Variants in OR1J2 observed in about 807,000 individuals in gnomAD.
OR1J2 encodes the protein olfactory receptor 1J2.
For synonymous variants in OR1J2, 142 were observed against 99.7 expected, an observed-to-expected ratio of 1.42 and a Z score of -2.52; for missense variants, 304 against 246.1, an observed-to-expected ratio of 1.24 and a Z score of -1.57.
the OR1J2 span, among the ~76,000 whole-genome samples, chr9:122,497,654 C>T: frequency 5.9e-5 from 9 of 152,074 alleles, no homozygotes; most frequent in African/African-American, 2.2e-4. Flanking sequence ...ATTTTTGGGT[C>T]TCAGTTTCAT....
chr9:122,491,119 T>C, the OR1J2 span, among the ~76,000 whole-genome samples: 1 of 152,190 alleles, frequency 6.6e-6, no homozygotes, highest in Non-Finnish European at 1.5e-5. Context: ...TGTGAGTTGA[T>C]TTTGATAAGA....
chr9:122,566,359 T>G, the OR1J2 span, among the ~76,000 whole-genome samples: 1 of 152,056 alleles, frequency 6.6e-6, no homozygotes, highest in African/African-American at 2.4e-5. Context: ...TGTATAAAGA[T>G]GAGGAAATAT....
the OR1J2 span, among the ~76,000 whole-genome samples, chr9:122,521,622 G>A: frequency 2.6e-4 from 39 of 152,136 alleles, no homozygotes; most frequent in African/African-American, 9.2e-4. Context: ...CTTTTCCAGA[G>A]CCAAAACCTG....
the OR1J2 span, among the ~76,000 whole-genome samples, chr9:122,463,491 T>C: frequency 6.6e-6 from 1 of 152,324 alleles, no homozygotes; most frequent in Non-Finnish European, 1.5e-5. Flanking sequence ...TTGGGGGTGT[T>C]AAAGAACCTT....
the OR1J2 span, among the ~76,000 whole-genome samples, chr9:122,528,120 C>A: frequency 6.6e-6 from 1 of 152,230 alleles, no homozygotes; most frequent in Non-Finnish European, 1.5e-5. Context: ...TATATTTAAT[C>A]CCTCAGTATT....
chr9:122,567,975 G>T, the OR1J2 span: 1 of 1,614,200 alleles, frequency 6.2e-7, no homozygotes, highest in Non-Finnish European at 8.5e-7. Flanking sequence ...GTCACAGAAG[G>T]TGAGACGATT....
the OR1J2 span, among the ~76,000 whole-genome samples, chr9:122,478,861 C>A: frequency 1.3e-5 from 2 of 150,364 alleles, no homozygotes; most frequent in Non-Finnish European, 3.0e-5. Flanking sequence ...CACACTGTAA[C>A]CTCCGCCTCC....
At chr9:122,465,658 A>G in the OR1J2 span, among the ~76,000 whole-genome samples, 3 of 152,200 alleles carry the variant, frequency 2.0e-5, no homozygotes, top group East Asian at 1.9e-4. Context: ...CAAAGCTTCT[A>G]AGTACATTCA....
chr9:122,524,093 C>T, the OR1J2 span, among the ~76,000 whole-genome samples: 3 of 152,136 alleles, frequency 2.0e-5, no homozygotes, highest in Admixed American at 2.0e-4. Context: ...ATGTTTTGGT[C>T]AACAATAGAC....
chr9:122,515,641 T>G (rs1285277363), downstream of OR1J2, among the ~76,000 whole-genome samples: 1 of 152,156 alleles, frequency 6.6e-6, no homozygotes, highest in African/African-American at 2.4e-5. Context: ...CTGCATACAG[T>G]GTTAGAGAGC....
At chr9:122,523,376 A>C in the OR1J2 span, among the ~76,000 whole-genome samples, 1 of 152,170 alleles carries the variant, frequency 6.6e-6, no homozygotes, top group Admixed American at 6.5e-5. Context: ...TTGCCTTGCA[A>C]GTGATGGGCA....
the OR1J2 span, among the ~76,000 whole-genome samples, chr9:122,497,702 G>A: frequency 2.6e-5 from 4 of 151,928 alleles, no homozygotes; most frequent in African/African-American, 7.3e-5. Flanking sequence ...GTTTTCTTCT[G>A]CCATCTTTAG....
At chr9:122,556,984 T>C in the OR1J2 span, among the ~76,000 whole-genome samples, 1 of 152,148 alleles carries the variant, frequency 6.6e-6, no homozygotes, top group African/African-American at 2.4e-5. Flanking sequence ...ATCTAACAAA[T>C]TGGGGGCTGC....
chr9:122,473,032 C>T, the OR1J2 span, among the ~76,000 whole-genome samples: 1 of 152,164 alleles, frequency 6.6e-6, no homozygotes, highest in East Asian at 1.9e-4. Flanking sequence ...CTTCTATATA[C>T]CCTTTCCTTA....
the OR1J2 span, chr9:122,568,285 T>A: frequency 6.2e-7 from 1 of 1,614,012 alleles, no homozygotes; most frequent in African/African-American, 1.3e-5. Context: ...GACAGAAAAC[T>A]CAAGAAGAAA....
the OR1J2 span, among the ~76,000 whole-genome samples, chr9:122,505,424 T>A: frequency 6.6e-6 from 1 of 152,070 alleles, no homozygotes. Flanking sequence ...ATTAACCCAT[T>A]AATCTATGAA....
At chr9:122,493,134 A>C in the OR1J2 span, among the ~76,000 whole-genome samples, 1 of 152,064 alleles carries the variant, frequency 6.6e-6, no homozygotes, top group Non-Finnish European at 1.5e-5. Flanking sequence ...TTTTGCATCT[A>C]TGTTCATCAG....
the OR1J2 span, among the ~76,000 whole-genome samples, chr9:122,554,749 T>C: frequency 0.02 from 3,030 of 152,252 alleles, 95 homozygotes; most frequent in African/African-American, 0.069. Context: ...AGAAAAAGAA[T>C]TAATATATGT....
chr9:122,519,819 A>C, the OR1J2 span: 1 of 1,613,986 alleles, frequency 6.2e-7, no homozygotes, highest in Non-Finnish European at 8.5e-7. Flanking sequence ...CACCATCCTC[A>C]AGGCTCCATC....
Sources: allele counts gnomAD v4.1 joint callset (sites outside exome capture counted in the v4.1 genomes callset), GRCh38; gene constraint gnomAD v4.1.1; transcripts MANE v1.5; gene names NCBI Gene and HGNC (gene_info 2026-07-23, HGNC 2026-07-21).